The following BLTP2 variants were observed in gnomAD, a reference collection of about 807,000 sequenced individuals.
The protein encoded by BLTP2 is U937-associated antigen.
chr17:28,632,782 C>G, the BLTP2 span, among the ~76,000 whole-genome samples: 1 of 152,156 alleles, frequency 6.6e-6, no homozygotes, highest in East Asian at 1.9e-4. Context: ...AGACACCAAC[C>G]CTTTCCCCTG....
the BLTP2 span, chr17:28,631,962 A>G: frequency 2.5e-6 from 4 of 1,609,764 alleles, no homozygotes; most frequent in Non-Finnish European, 2.6e-6. Flanking sequence ...ATGGCATGAG[A>G]GGGATGATTA....
chr17:28,645,126 G>A, the BLTP2 span: 14 of 1,338,776 alleles, frequency 1.0e-5, no homozygotes, highest in African/African-American at 1.9e-4. Context: ...GATCCGCGCA[G>A]CACCGCCGCG....
the BLTP2 span, chr17:28,639,958 G>A: frequency 3.1e-6 from 5 of 1,614,078 alleles, no homozygotes; most frequent in Admixed American, 1.7e-5. Context: ...GTGAAGCTTC[G>A]AAGGGGCAGC....
chr17:28,642,921 A>AT, the BLTP2 span: 1 of 1,611,788 alleles, frequency 6.2e-7, no homozygotes, highest in Non-Finnish European at 8.5e-7. Flanking sequence ...TGAATATGCC[A>AT]TAAGGACTCA....
At chr17:28,638,777 GAAGAT>G in the BLTP2 span, 1 of 620,070 alleles carries the variant, frequency 1.6e-6, no homozygotes, top group Middle Eastern at 3.6e-4. Context: ...GACACACCTA[GAAGAT>G]AAAAGGCTGA....
At chr17:28,640,588 C>T in the BLTP2 span, 1,191 of 1,614,086 alleles carry the variant, frequency 7.4e-4, 12 homozygotes, top group African/African-American at 0.013. Flanking sequence ...GACAATACCA[C>T]GCTTGTGTTC....
At chr17:28,621,438 T>C in the BLTP2 span, 1 of 1,614,130 alleles carries the variant, frequency 6.2e-7, no homozygotes, top group East Asian at 2.2e-5. Context: ...GCCTGCCCAC[T>C]CTCCATCAGC....
At chr17:28,614,824 C>A in the BLTP2 span, 1 of 400,296 alleles carries the variant, frequency 2.5e-6, no homozygotes, top group East Asian at 4.1e-5. Flanking sequence ...GCCCTGGGCC[C>A]ATTCCCTGGG....
At chr17:28,614,807 G>T in the BLTP2 span, 1 of 317,692 alleles carries the variant, frequency 3.1e-6, no homozygotes, top group Non-Finnish European at 5.7e-6. Context: ...CAAGGGAATA[G>T]GGTCCTGCCC....
chr17:28,616,405 T>G, the BLTP2 span: 1 of 1,614,226 alleles, frequency 6.2e-7, no homozygotes, highest in Non-Finnish European at 8.5e-7. The surrounding 1 kb of genome is among the most constrained non-coding windows in gnomAD (Gnocchi z 4.8). Flanking sequence ...AATGACCTTC[T>G]GACCCCAGAA....
the BLTP2 span, chr17:28,642,006 G>A: frequency 3.7e-5 from 60 of 1,614,126 alleles, no homozygotes; most frequent in Admixed American, 1.0e-3. Context: ...ATAGCAGTGA[G>A]ATGCCGACTG....
chr17:28,628,397 G>A, the BLTP2 span: 4 of 1,614,132 alleles, frequency 2.5e-6, no homozygotes, highest in Non-Finnish European at 2.5e-6. Flanking sequence ...AACCCCTTCA[G>A]GGCCTCAGTA....
the BLTP2 span, chr17:28,617,022 G>A: frequency 6.4e-7 from 1 of 1,557,038 alleles, no homozygotes; most frequent in Admixed American, 1.8e-5. Context: ...GAGTAAAGAA[G>A]AGCCCAACCC....
At chr17:28,640,079 TTTTAC>T in the BLTP2 span, 1 of 1,591,684 alleles carries the variant, frequency 6.3e-7, no homozygotes, top group African/African-American at 1.4e-5. Context: ...TTCCTACTTC[TTTTAC>T]TTTTATTTTT....
At chr17:28,625,842 T>C in the BLTP2 span, among the ~76,000 whole-genome samples, 2 of 152,152 alleles carry the variant, frequency 1.3e-5, no homozygotes, top group Non-Finnish European at 2.9e-5. Flanking sequence ...CTCGGCTCAC[T>C]GCAACCTCCA....
the BLTP2 span, among the ~76,000 whole-genome samples, chr17:28,624,866 T>C: frequency 6.6e-6 from 1 of 152,208 alleles, no homozygotes; most frequent in Non-Finnish European, 1.5e-5. Context: ...ATCCTTGGCA[T>C]GTTCCCTTCT....
chr17:28,635,340 G>C, the BLTP2 span: 3 of 1,614,216 alleles, frequency 1.9e-6, no homozygotes, highest in East Asian at 2.2e-5. Flanking sequence ...CCAGGGTAAT[G>C]AACTTGTCCT....
chr17:28,639,705 G>A, the BLTP2 span: 17 of 1,525,810 alleles, frequency 1.1e-5, no homozygotes, highest in Non-Finnish European at 1.5e-5. Flanking sequence ...AAAACTGGGA[G>A]AGGGTCAGAA....
chr17:28,619,914 C>T, the BLTP2 span: 1 of 1,614,104 alleles, frequency 6.2e-7, no homozygotes, highest in Admixed American at 1.7e-5. Context: ...CCACATGCTG[C>T]CGCACAGCCT....
Sources: allele counts gnomAD v4.1 joint callset (sites outside exome capture counted in the v4.1 genomes callset), GRCh38; gene constraint gnomAD v4.1.1; non-coding constraint Gnocchi (gnomAD v3.1); transcripts MANE v1.5; gene names NCBI Gene and HGNC (gene_info 2026-07-23, HGNC 2026-07-21).